Variants in UBE2V2 observed in about 807,000 individuals in gnomAD.
UBE2V2 encodes ubiquitin conjugating enzyme E2 V2.
UBE2V2 carries 9 observed loss-of-function variants against 17.2 expected under a neutral mutation model. The ratio of observed to expected loss-of-function variants is 0.52; its 90% CI spans 0.32 to 0.91. UBE2V2 has a LOEUF of 0.91. Among genes scored for constraint, UBE2V2 ranks in the 40% least tolerant of loss-of-function variants. The pLI is 0.04. For missense variants in UBE2V2, 133 were observed against 182.6 expected (o/e 0.73, Z 1.56); for synonymous variants, 61 against 57.5 (o/e 1.06, Z -0.28).
At chr8:48,014,644 C>CAAAAAA (rs1179934700) in intron 1 of UBE2V2, among the ~76,000 whole-genome samples, 1 of 72,076 alleles carries the variant, frequency 1.4e-5, no homozygotes, top group Non-Finnish European at 2.7e-5. Context: ...GACTCTGCCT[C>CAAAAAA]AAAAAAAAAA....
At chr8:48,026,258 C>T (rs1434937705) in intron 1 of UBE2V2, among the ~76,000 whole-genome samples, 1 of 152,036 alleles carries the variant, frequency 6.6e-6, no homozygotes, top group Non-Finnish European at 1.5e-5. Flanking sequence ...CTCTCTAGGG[C>T]TTATGAAGTG....
the UBE2V2 span, among the ~76,000 whole-genome samples, chr8:48,000,813 CTT>C: frequency 9.7e-6 from 1 of 103,506 alleles, no homozygotes; most frequent in African/African-American, 3.9e-5. Flanking sequence ...CAGAGGGAGA[CTT>C]TGCCTCAAAA....
In UBE2V2 at chr8:48,049,929, G is replaced by C; in HGVS notation, c.242G>C (p.Arg81Thr). The change falls in exon 3 of 4, where the codon AGA (arginine) becomes ACA (threonine). Residue 81 changes from arginine to threonine, a missense_variant. Around this residue, in one of 3 missense-constraint regions of UBE2V2, gnomAD observed 92 missense variants for 124.3 expected, o/e 0.74. Coordinates refer to ENST00000523111, the MANE Select transcript of UBE2V2 (RefSeq NM_003350.3). Reference protein sequence around the residue: ...PKYPEAPPSVRFVTKINMNGI... With the variant: ...PKYPEAPPSVTFVTKINMNGI... ...TACCCAGAAGCTCCTCCGTCAGTTA[G>C]ATTTGTAACAAAAATTAATATGAAC... 2 of 1,582,100 alleles carry C rather than the reference G, an allele frequency of 1.3e-6. No homozygotes were observed. Among genetic ancestry groups the C allele is most frequent in the Non-Finnish European group, 1.7e-6 (2 of 1,167,916 alleles).
intron 1 of UBE2V2, among the ~76,000 whole-genome samples, chr8:48,009,465 C>T (rs1401415510): frequency 6.6e-6 from 1 of 152,056 alleles, no homozygotes; most frequent in Non-Finnish European, 1.5e-5. Context: ...GGGGTTTTGT[C>T]ATGTTGGCCA....
chr8:48,020,871 A>G (rs2091299821), intron 1 of UBE2V2, among the ~76,000 whole-genome samples: 1 of 151,060 alleles, frequency 6.6e-6, no homozygotes. Flanking sequence ...CTGAGTAGCT[A>G]GGAATGCAGG....
At chr8:48,046,008 G>A (rs970907095) in intron 2 of UBE2V2, among the ~76,000 whole-genome samples, 14 of 152,172 alleles carry the variant, frequency 9.2e-5, no homozygotes, top group African/African-American at 3.4e-4. Context: ...GTGCAATGGT[G>A]TAATCTCAGA....
chr8:48,051,144 GC>G (rs1250707590), intron 3 of UBE2V2, among the ~76,000 whole-genome samples: 2 of 152,172 alleles, frequency 1.3e-5, no homozygotes, highest in African/African-American at 4.8e-5. Context: ...ACTGTGTCCA[GC>G]CCATTGTCTC....
intron 3 of UBE2V2, chr8:48,050,196 T>A (rs936837383): frequency 4.7e-5 from 15 of 319,414 alleles, no homozygotes; most frequent in African/African-American, 3.0e-4. Flanking sequence ...TTAATGTACT[T>A]GCCTAGAATA....
intron 1 of UBE2V2, among the ~76,000 whole-genome samples, chr8:48,013,706 T>C (rs2154506719): frequency 6.6e-6 from 1 of 152,308 alleles, no homozygotes; most frequent in East Asian, 1.9e-4. Flanking sequence ...CTTTGAGTTA[T>C]GAGAAACTCA....
At chr8:48,025,127 G>A (rs1203631312) in intron 1 of UBE2V2, among the ~76,000 whole-genome samples, 2 of 151,782 alleles carry the variant, frequency 1.3e-5, no homozygotes, top group African/African-American at 4.8e-5. Context: ...GTAGAAACGG[G>A]GTTTCACCGT....
chr8:48,008,835 G>A (rs965686204), intron 1 of UBE2V2, among the ~76,000 whole-genome samples: 4 of 152,014 alleles, frequency 2.6e-5, no homozygotes, highest in African/African-American at 4.8e-5. Flanking sequence ...ACCGAAGATG[G>A]GTCAGGCCAA....
the UBE2V2 span, among the ~76,000 whole-genome samples, chr8:48,002,283 G>A: frequency 2.0e-5 from 3 of 152,156 alleles, no homozygotes; most frequent in African/African-American, 7.2e-5. Context: ...GAATTGACTT[G>A]TGTCCATCAG....
intron 3 of UBE2V2, among the ~76,000 whole-genome samples, chr8:48,059,475 C>T (rs1396703923): frequency 6.6e-6 from 1 of 151,726 alleles, no homozygotes; most frequent in African/African-American, 2.4e-5. Context: ...ATGGCGTGGT[C>T]TCGGCTCACT....
intron 3 of UBE2V2, among the ~76,000 whole-genome samples, chr8:48,054,673 G>A (rs2091560524): frequency 6.6e-6 from 1 of 152,146 alleles, no homozygotes; most frequent in African/African-American, 2.4e-5. Context: ...TAGTTCATAG[G>A]CATTGATGGT....
chr8:48,012,839 T>C (rs2091242998), intron 1 of UBE2V2, among the ~76,000 whole-genome samples: 1 of 152,168 alleles, frequency 6.6e-6, no homozygotes, highest in African/African-American at 2.4e-5. Context: ...CAGTTTTCCC[T>C]GTCAATTTCC....
chr8:48,021,934 C>T (rs955674511), intron 1 of UBE2V2, among the ~76,000 whole-genome samples: 7 of 152,080 alleles, frequency 4.6e-5, no homozygotes, highest in African/African-American at 1.7e-4. Context: ...CCTGCCTCAG[C>T]CTCCCAAAGT....
chr8:48,050,012 CAT>C, intron 3 of UBE2V2, 34 bp downstream of exon 3: 1 of 1,402,794 alleles, frequency 7.1e-7, no homozygotes, highest in Non-Finnish European at 9.6e-7. Flanking sequence ...TTTTATATAA[CAT>C]AATGTATAGA....
chr8:48,063,873 A>C lies in UBE2V2; in HGVS notation c.*3045A>C, dbSNP rs1258933974. On this transcript the variant is annotated 3_prime_UTR_variant, in exon 4 of 4. Coordinates refer to ENST00000523111, the MANE Select transcript of UBE2V2 (RefSeq NM_003350.3). ...TACTTAAGAACAATATGTTGATTTTAATGTTAATTCCCACTAAATATATAA... is the reference window on the plus strand; with the variant it reads ...TACTTAAGAACAATATGTTGATTTTCATGTTAATTCCCACTAAATATATAA... The C allele has an allele frequency of 6.6e-6, 1 of 152,246 alleles. No individual in the cohort carries two copies. The highest frequency in any genetic ancestry group is 1.5e-5 in the Non-Finnish European group (1 of 68,046). The allele number at this position is 152,246 out of a possible 1,614,324, so 9.4% of individuals were successfully genotyped here.
chr8:48,008,554 C>T, intron 1 of UBE2V2, 84 bp downstream of exon 1: 2 of 1,490,770 alleles, frequency 1.3e-6, no homozygotes, highest in East Asian at 3.0e-5. Context: ...GAGCGCTGAC[C>T]GTGCGGGAGA....
Sources: gnomAD v4.1 joint callset for allele counts (sites outside exome capture counted in the v4.1 genomes callset) on GRCh38, gnomAD v4.1.1 for gene constraint, gnomAD v4.1.1 regional missense constraint, MANE v1.5 for transcripts, NCBI Gene and HGNC (gene_info 2026-07-23, HGNC 2026-07-21) for gene names.